ELAVL4: variants seen among roughly 807,000 people sequenced by gnomAD.
ELAVL4 encodes ELAV-like protein 4.
Under a neutral mutation model 35.6 loss-of-function variants are expected in ELAVL4, and 1 was observed. The ratio of observed to expected loss-of-function variants is 0.03; its 90% CI spans 0.01 to 0.13. The LOEUF (loss-of-function observed/expected upper bound fraction) is 0.13. ELAVL4 is among the 10% of genes least tolerant of loss of function. The probability of loss-of-function intolerance (pLI) is 1.00; values close to 1 mark genes in which losing one functional copy is unlikely to be tolerated. For synonymous variants in ELAVL4, 156 were observed against 171.0 expected (o/e 0.91, Z 0.69); for missense variants, 267 against 464.9 (o/e 0.57, Z 3.91).
chr1:50,200,819 G>C, intron 6 of ELAVL4, 32 bp from the exon 7 acceptor site: 1 of 1,601,864 alleles, frequency 6.2e-7, no homozygotes, highest in East Asian at 2.2e-5. Context: ...ACTGATGTCT[G>C]GACCAGTCCC....
chr1:50,079,965 C>T (rs1432669582), intron 1 of ELAVL4, among the ~76,000 whole-genome samples: 5 of 152,062 alleles, frequency 3.3e-5, no homozygotes, highest in Admixed American at 6.6e-5. Context: ...CTTAAACGTG[C>T]GTATGCCATC....
chr1:50,143,109 G>C (rs1673098497), intron 1 of ELAVL4, among the ~76,000 whole-genome samples: 1 of 152,136 alleles, frequency 6.6e-6, no homozygotes, highest in Admixed American at 6.5e-5. Flanking sequence ...TAAATGACAG[G>C]GATGGAGAAC....
intron 1 of ELAVL4, among the ~76,000 whole-genome samples, chr1:50,123,802 T>C (rs1306290486): frequency 6.6e-6 from 1 of 152,116 alleles, no homozygotes; most frequent in Non-Finnish European, 1.5e-5. Context: ...TTTCTTCACC[T>C]GGCTTCATGA....
At chr1:50,194,877 A>C (rs749897746) in intron 4 of ELAVL4, among the ~76,000 whole-genome samples, 9 of 152,188 alleles carry the variant, frequency 5.9e-5, no homozygotes, top group Non-Finnish European at 1.2e-4. Flanking sequence ...AGAGGAGAGC[A>C]TATCCCAAGG....
chr1:50,109,984 C>G, intron 1 of ELAVL4: 1 of 1,611,800 alleles, frequency 6.2e-7, no homozygotes, highest in Non-Finnish European at 8.5e-7. Flanking sequence ...AAGAGGAAGG[C>G]AGCCTGGAGG....
intron 3 of ELAVL4, among the ~76,000 whole-genome samples, chr1:50,183,449 G>A (rs1157901458): frequency 1.3e-5 from 2 of 152,130 alleles, no homozygotes; most frequent in Non-Finnish European, 2.9e-5. Context: ...TCTGGAGGGA[G>A]CAGGAGTAGA....
intron 1 of ELAVL4, among the ~76,000 whole-genome samples, chr1:50,097,388 C>T (rs1453990352): frequency 6.6e-6 from 1 of 152,168 alleles, no homozygotes; most frequent in Non-Finnish European, 1.5e-5. Context: ...TGAGTAAACC[C>T]TACTGAAAAT....
chr1:50,187,211 T>TTG (rs1256099278), intron 3 of ELAVL4, among the ~76,000 whole-genome samples: 4 of 152,084 alleles, frequency 2.6e-5, no homozygotes, highest in Non-Finnish European at 2.9e-5. Context: ...AATGATTGGT[T>TTG]TGTGTGTGTG....
rs1253998342 is a variant in ELAVL4, at chr1:50,203,116, G to C, written c.*1938G>C. ...CTCGCTATGCATAATCTAGTTGATA[G>C]TTAAATTTGCTATTGCTTTTCTTGT... On this transcript the variant is annotated 3_prime_UTR_variant, in exon 7 of 7. Transcript: ENST00000371824. 1 of 152,192 alleles carries C rather than the reference G, an allele frequency of 6.6e-6. No homozygotes were observed. Among genetic ancestry groups the C allele is most frequent in the African/African-American group, 2.4e-5 (1 of 41,448 alleles). 9.4% of individuals were successfully genotyped at this position (152,192 alleles called of 1,614,324 possible). A position where few individuals can be genotyped will look rare whatever the true frequency, so the allele number is the denominator to read the frequency against.
At chr1:50,073,458 A>C (rs1201368281) in intron 1 of ELAVL4, among the ~76,000 whole-genome samples, 2 of 152,170 alleles carry the variant, frequency 1.3e-5, no homozygotes, top group Non-Finnish European at 2.9e-5. Context: ...AAAGTAATAA[A>C]AACCCATGTC....
intron 1 of ELAVL4, among the ~76,000 whole-genome samples, chr1:50,126,469 CAT>C (rs1335081045): frequency 6.6e-6 from 1 of 151,986 alleles, no homozygotes; most frequent in African/African-American, 2.4e-5. Context: ...TGGTTATTTT[CAT>C]ATGTCAAAAA....
intron 1 of ELAVL4, among the ~76,000 whole-genome samples, chr1:50,087,044 A>C (rs562162974): frequency 6.6e-6 from 1 of 152,242 alleles, no homozygotes; most frequent in East Asian, 1.9e-4. Flanking sequence ...TTAGAGAGTC[A>C]ATCAATTATC....
intron 3 of ELAVL4, among the ~76,000 whole-genome samples, chr1:50,183,689 C>T (rs1681401111): frequency 6.6e-6 from 1 of 152,154 alleles, no homozygotes; most frequent in Admixed American, 6.5e-5. Flanking sequence ...TGCCAGGGGT[C>T]GTCAGGGAGC....
At chr1:50,058,358 G>C (rs989840500) in intron 1 of ELAVL4, among the ~76,000 whole-genome samples, 4 of 152,110 alleles carry the variant, frequency 2.6e-5, no homozygotes, top group African/African-American at 9.7e-5. Flanking sequence ...GCAGGGGTAA[G>C]GACAGGATAG....
intron 1 of ELAVL4, chr1:50,109,891 C>T: frequency 6.2e-7 from 1 of 1,610,592 alleles, no homozygotes; most frequent in Non-Finnish European, 8.5e-7. Flanking sequence ...CATAACGTTC[C>T]TTTCCGCTTT....
intron 1 of ELAVL4, among the ~76,000 whole-genome samples, chr1:50,138,264 C>T (rs550698952): frequency 4.6e-5 from 7 of 151,904 alleles, no homozygotes; most frequent in African/African-American, 7.3e-5. Flanking sequence ...GCTGCAGGTT[C>T]GAATGGGAAG....
chr1:50,117,532 G>A (rs571901752), intron 1 of ELAVL4, among the ~76,000 whole-genome samples: 16 of 152,122 alleles, frequency 1.1e-4, no homozygotes, highest in Non-Finnish European at 1.9e-4. Flanking sequence ...TACTAACTGG[G>A]CAATCACAGA....
chr1:50,062,227 A>C (rs146341797), intron 1 of ELAVL4, among the ~76,000 whole-genome samples: 1 of 152,308 alleles, frequency 6.6e-6, no homozygotes, highest in Non-Finnish European at 1.5e-5. Context: ...GAAAACAAGG[A>C]GAATAAGCAG....
At position 50,164,500 on chromosome 1, in the gene ELAVL4, G is replaced by C. The variant is rs533880375; in HGVS notation, c.251-12589G>C. ...CCCTTATTTTCCCATCATGACCTTT[G>C]AAAATATTAGAAGGGACTTTGAGGT... On this transcript the variant is annotated intron_variant, in intron 2 of 6. Coordinates refer to ENST00000371824, the MANE Select transcript of ELAVL4 (RefSeq NM_001144774.3). Among the ~76,000 whole-genome samples the C allele has an allele frequency of 8.1e-4, 124 of 152,302 alleles. 2 individuals carry two copies. The highest frequency in any genetic ancestry group is 7.7e-3 in the South Asian group (37 of 4,828).
Sources: gnomAD v4.1 joint callset for allele counts (sites outside exome capture counted in the v4.1 genomes callset) on GRCh38, gnomAD v4.1.1 for gene constraint, MANE v1.5 for transcripts, NCBI Gene and HGNC (gene_info 2026-07-23, HGNC 2026-07-21) for gene names.